IL7: variants seen among roughly 807,000 people sequenced by gnomAD.
The protein encoded by IL7 is interleukin-7.
A neutral mutation model predicts 21.6 loss-of-function variants in IL7; 3 were observed. That is an observed-to-expected ratio of 0.14 (90% CI 0.06 to 0.36). The LOEUF is 0.36. IL7 is among the 10% of genes least tolerant of loss of function. The pLI is 1.00. For synonymous variants in IL7, 62 were observed against 68.1 expected (o/e 0.91, Z 0.44); for missense variants, 175 against 200.2 (o/e 0.87, Z 0.76).
intron 3 of IL7, among the ~76,000 whole-genome samples, chr8:78,709,391 G>A (rs566617808): frequency 5.3e-5 from 8 of 152,290 alleles, no homozygotes; most frequent in African/African-American, 1.7e-4. Flanking sequence ...ATGAATTTGT[G>A]TGGAGCGTTA....
intron 4 of IL7, among the ~76,000 whole-genome samples, chr8:78,684,880 C>T (rs548229039): frequency 3.3e-5 from 5 of 152,024 alleles, no homozygotes; most frequent in African/African-American, 1.2e-4. Context: ...GAAATATATC[C>T]CATATTCTTG....
chr8:78,761,349 A>G, intron 2 of IL7: 1 of 1,611,708 alleles, frequency 6.2e-7, no homozygotes, highest in Non-Finnish European at 8.5e-7. Context: ...GCACAGAAAG[A>G]GCAGAGTGTG....
rs539358457 is a variant in IL7, at chr8:78,689,178, C to A, written n.215-3231G>T. ...ACTTAAGATTTTTTAATGTCCGTTT[C>A]AAGTACTATGCTATTAATCTGTTTC... On this transcript the variant is annotated intron_variant and non_coding_transcript_variant, in intron 3 of 4. Coordinates refer to the IL7 transcript ENST00000523959. 15 of 1,344,688 alleles carry A rather than the reference C, an allele frequency of 1.1e-5. No homozygotes were observed. The South Asian group carries it at 2.7e-4, about 25-fold the overall frequency. 83.3% of individuals were successfully genotyped at this position (1,344,688 alleles called of 1,614,324 possible).
intron 3 of IL7, chr8:78,721,502 C>A (rs1228868222): frequency 6.6e-6 from 1 of 152,030 alleles, no homozygotes; most frequent in African/African-American, 2.4e-5. Context: ...TCTTATCTCA[C>A]TTTTTCCTCT....
At chr8:78,719,520 AAAAT>A (rs1811198899) in intron 5 of IL7, 2 of 151,850 alleles carry the variant, frequency 1.3e-5, no homozygotes, top group African/African-American at 4.8e-5. Context: ...AGTTTTAAAA[AAAAT>A]CTTCCTATGC....
chr8:78,779,384 G>T (rs1243041501), intron 2 of IL7, among the ~76,000 whole-genome samples: 2 of 152,062 alleles, frequency 1.3e-5, no homozygotes, highest in Middle Eastern at 6.8e-3. Context: ...TGTCATAAAT[G>T]GCTCTTGTTA....
At chr8:78,804,258 G>A (rs766215068) in intron 1 of IL7, among the ~76,000 whole-genome samples, 1 of 151,998 alleles carries the variant, frequency 6.6e-6, no homozygotes, top group Non-Finnish European at 1.5e-5. Context: ...AGAAGCGCCC[G>A]TAGGAAAAAA....
rs193182004 is a variant in IL7 at position 78,704,836 on chromosome 8, T to C, written n.214+16512A>G. Among the ~76,000 whole-genome samples, 3 of 152,330 alleles carry C rather than the reference T, an allele frequency of 2.0e-5. No homozygotes were observed. In the East Asian group the frequency reaches 5.8e-4, roughly 29 times the overall value. On this transcript the variant is annotated intron_variant and non_coding_transcript_variant, in intron 3 of 4. Transcript: ENST00000523959. ...TCTCTATTCTTGTCAGCGTGTCTTA[T>C]TTCAGAAAGCCAGTCTTCAAGCTCT...
At chr8:78,792,363 G>A (rs539749504) in intron 2 of IL7, among the ~76,000 whole-genome samples, 14 of 152,196 alleles carry the variant, frequency 9.2e-5, no homozygotes, top group African/African-American at 2.4e-4. Flanking sequence ...AATCTTTGTT[G>A]TCTTGGATTA....
chr8:78,782,460 G>A (rs1425956991), intron 2 of IL7, among the ~76,000 whole-genome samples: 1 of 152,016 alleles, frequency 6.6e-6, no homozygotes, highest in African/African-American at 2.4e-5. Flanking sequence ...TAACAGTCAG[G>A]CCCCTCTTCC....
chr8:78,784,214 C>T (rs1316659853), intron 2 of IL7, among the ~76,000 whole-genome samples: 1 of 152,136 alleles, frequency 6.6e-6, no homozygotes, highest in Non-Finnish European at 1.5e-5. Flanking sequence ...TAAAGAAACA[C>T]CAGAGAGCTC....
intron 2 of IL7, among the ~76,000 whole-genome samples, chr8:78,772,984 A>G (rs1813008701): frequency 6.6e-6 from 1 of 152,170 alleles, no homozygotes; most frequent in South Asian, 2.1e-4. Flanking sequence ...ATTGTTGTGT[A>G]TTTGTATAAT....
intron 3 of IL7, among the ~76,000 whole-genome samples, chr8:78,695,080 A>T (rs1239943608): frequency 1.3e-5 from 2 of 152,198 alleles, no homozygotes; most frequent in Admixed American, 1.3e-4. Flanking sequence ...TAGGTCAGGG[A>T]AAACAGCAAG....
chr8:78,769,208 A>G (rs1318053524), intron 2 of IL7, among the ~76,000 whole-genome samples: 3 of 151,606 alleles, frequency 2.0e-5, no homozygotes, highest in Non-Finnish European at 4.4e-5. Flanking sequence ...AGAAGGAAAT[A>G]AAGGGTATTC....
chr8:78,715,957 T>C (rs1191999093), downstream of IL7, among the ~76,000 whole-genome samples: 2 of 149,912 alleles, frequency 1.3e-5, no homozygotes, highest in Non-Finnish European at 3.0e-5. Context: ...GGAGAATTGC[T>C]TGAACCTGGG....
At position 78,692,839 on chromosome 8, in the gene IL7, G is replaced by A. The variant is rs750833418; in HGVS notation, n.215-6892C>T. On this transcript the variant is annotated intron_variant and non_coding_transcript_variant, in intron 3 of 4. Coordinates refer to the IL7 transcript ENST00000523959. The stretch of plus-strand genomic sequence containing the variant: ...GTTGGTGTGCTGCACCCATTAACTC[G>A]TCATTTACATGGAGTATATCTCCTA... Among the ~76,000 whole-genome samples the A allele has an allele frequency of 1.1e-4, 17 of 151,964 alleles. No individual in the cohort carries two copies. In the East Asian group the frequency reaches 1.9e-3, roughly 17 times the overall value.
intron 3 of IL7, among the ~76,000 whole-genome samples, chr8:78,723,042 T>G (rs1052914253): frequency 6.7e-6 from 1 of 149,610 alleles, no homozygotes; most frequent in African/African-American, 2.4e-5. Context: ...TCTTTCTAGA[T>G]AGTCTTTCAT....
intron 2 of IL7, among the ~76,000 whole-genome samples, chr8:78,777,348 C>T (rs1813165577): frequency 6.6e-6 from 1 of 152,002 alleles, no homozygotes; most frequent in African/African-American, 2.4e-5. Flanking sequence ...TTGACAACAA[C>T]AGGCACCTAT....
chr8:78,722,800 C>T (rs1475978262), intron 3 of IL7, among the ~76,000 whole-genome samples: 1 of 151,840 alleles, frequency 6.6e-6, no homozygotes, highest in Non-Finnish European at 1.5e-5. Context: ...CAAAATAGAA[C>T]ATTGTCACTA....
Sources: allele counts gnomAD v4.1 joint callset (sites outside exome capture counted in the v4.1 genomes callset), GRCh38; gene constraint gnomAD v4.1.1; transcripts MANE v1.5; gene names NCBI Gene and HGNC (gene_info 2026-07-23, HGNC 2026-07-21).